The following GFI1B variants were observed in gnomAD, a reference collection of about 807,000 sequenced individuals.
GFI1B encodes growth factor independent 1B transcriptional repressor.
GFI1B carries 20 observed loss-of-function variants against 35.3 expected under a neutral mutation model. The observed-to-expected ratio is 0.57, with a 90% CI of 0.40 to 0.82. GFI1B has a LOEUF of 0.82. GFI1B is among the 40% of genes least tolerant of loss of function. GFI1B has a pLI of 0.00. For synonymous variants in GFI1B, 178 were observed against 177.6 expected, an observed-to-expected ratio of 1.00 and a Z score of -0.02; for missense variants, 430 against 446.3, an observed-to-expected ratio of 0.96 and a Z score of 0.33.
At chr9:132,950,401 A>G (rs557723073) in intron 1 of GFI1B, among the ~76,000 whole-genome samples, 1 of 151,916 alleles carries the variant, frequency 6.6e-6, no homozygotes, top group South Asian at 2.1e-4. Flanking sequence ...CTGCTTACTC[A>G]GGTTGTGCTT....
Position 132,987,325 on chromosome 9 carries a change from T to C in GFI1B, c.144T>C (p.Thr48=), listed in dbSNP as rs775510190. 2 of 1,614,220 alleles carry C rather than the reference T, an allele frequency of 1.2e-6. No homozygotes were observed. The highest frequency in any genetic ancestry group is 1.7e-6 in the Non-Finnish European group (2 of 1,180,026). ...QAPSNSPVLS[T]LFPNQCLDWT... is the part of the protein sequence containing the mutation. ...CAAGCAACAGCCCTGTCCTTAGCAC[T>C]CTATTCCCAAACCAGTGCCTGGACT... Residue 48 remains threonine, a synonymous_variant, in exon 3 of 7, where the codon ACT becomes ACC. Coordinates refer to ENST00000372122, the MANE Select transcript of GFI1B (RefSeq NM_001377304.1).
At chr9:132,986,873 C>A (rs1217260439) in intron 2 of GFI1B, 95 bp downstream of exon 2, 7 of 767,330 alleles carry the variant, frequency 9.1e-6, no homozygotes, top group Admixed American at 6.1e-5. Flanking sequence ...GCAGCAGCCT[C>A]TTCTTCCAAG....
chr9:132,948,889 C>A (rs1422658775), intron 1 of GFI1B, among the ~76,000 whole-genome samples: 1 of 152,232 alleles, frequency 6.6e-6, no homozygotes, highest in African/African-American at 2.4e-5. Context: ...TGAGCCACAC[C>A]CGCTAAGCAT....
chr9:132,970,716 C>T (rs1848521272), intron 1 of GFI1B, among the ~76,000 whole-genome samples: 1 of 152,140 alleles, frequency 6.6e-6, no homozygotes, highest in Non-Finnish European at 1.5e-5. Context: ...AGAGATGAGG[C>T]GTATAAAGCC....
At chr9:132,960,237 C>T (rs1439979494) in intron 1 of GFI1B, among the ~76,000 whole-genome samples, 2 of 152,156 alleles carry the variant, frequency 1.3e-5, no homozygotes, top group Admixed American at 6.5e-5. Context: ...AGCAGATGGG[C>T]TTTACGACAG....
rs1849207045 is a variant in GFI1B at position 132,989,505 on chromosome 9, A to C, written c.649-237A>C. 1 of 602,136 alleles carries C rather than the reference A, an allele frequency of 1.7e-6. No homozygotes were observed. Among genetic ancestry groups the C allele is most frequent in the Admixed American group, 2.9e-5 (1 of 34,106 alleles). 37.3% of individuals were successfully genotyped at this position (602,136 alleles called of 1,614,324 possible). A position where few individuals can be genotyped will look rare whatever the true frequency, so the allele number is the denominator to read the frequency against. On this transcript the variant is annotated intron_variant, in intron 5 of 6. Transcript: ENST00000372122. The surrounding 1 kb of genome is among the most constrained non-coding windows in gnomAD (Gnocchi z 6.2). ...AGATCAGTCAGTCCATCAGTCAATC[A>C]ACGAACATTTATTGAGGTTTATTTT...
chr9:132,968,165 A>T (rs1848479106), intron 1 of GFI1B, among the ~76,000 whole-genome samples: 1 of 151,746 alleles, frequency 6.6e-6, no homozygotes, highest in South Asian at 2.1e-4. Context: ...CACCTGGGCT[A>T]GAGTGCACTG....
At chr9:132,971,136 T>G (rs934019089) in intron 1 of GFI1B, among the ~76,000 whole-genome samples, 2 of 152,180 alleles carry the variant, frequency 1.3e-5, no homozygotes, top group Admixed American at 1.3e-4. Context: ...AGTGCTGGGA[T>G]TATGGGTGTG....
chr9:132,962,916 CAAA>C (rs60268965), intron 1 of GFI1B, among the ~76,000 whole-genome samples: 16 of 124,268 alleles, frequency 1.3e-4, no homozygotes, highest in African/African-American at 4.9e-4. Flanking sequence ...ACTAAAAATA[CAAA>C]AAAAAAAAAA....
chr9:132,977,129 G>A (rs911675945), upstream of GFI1B, among the ~76,000 whole-genome samples: 2 of 152,094 alleles, frequency 1.3e-5, no homozygotes, highest in African/African-American at 4.8e-5. Context: ...AGCTAATTTT[G>A]TATTTTTTGT....
At chr9:132,975,576 G>A (rs1341905011), upstream of GFI1B, among the ~76,000 whole-genome samples, 1 of 152,100 alleles carries the variant, frequency 6.6e-6, no homozygotes, top group Admixed American at 6.5e-5. Flanking sequence ...GTAAATTTCA[G>A]GTTGCTCTTT....
At chr9:132,988,094 C>A (rs1047516301) in intron 3 of GFI1B, 103 bp from the exon 4 acceptor site, 4 of 1,054,408 alleles carry the variant, frequency 3.8e-6, no homozygotes, top group Non-Finnish European at 5.9e-6. Flanking sequence ...GACCCACTTG[C>A]CTCAGCCTCC....
At chr9:132,955,807 C>CAT (rs1554824505) in intron 1 of GFI1B, among the ~76,000 whole-genome samples, 2 of 84,854 alleles carry the variant, frequency 2.4e-5, no homozygotes, top group Non-Finnish European at 5.6e-5. Flanking sequence ...TGTGTGTGTG[C>CAT]ATGTGTGTGT....
intron 1 of GFI1B, among the ~76,000 whole-genome samples, chr9:132,957,388 T>C (rs1395291306): frequency 6.6e-6 from 1 of 152,242 alleles, no homozygotes; most frequent in Non-Finnish European, 1.5e-5. Context: ...TATGAGACCA[T>C]ATTGTTCTAA....
At chr9:132,977,188 C>T (rs577013497), upstream of GFI1B, among the ~76,000 whole-genome samples, 93 of 152,282 alleles carry the variant, frequency 6.1e-4, 1 homozygote, top group African/African-American at 2.1e-3. Flanking sequence ...AACTCCCGAT[C>T]TCAAGTGATC....
Position 132,989,820 on chromosome 9 carries a change from T to A in GFI1B, c.727T>A (p.Ser243Thr), listed in dbSNP as rs1849223661. The change falls in exon 6 of 7, where the codon TCA becomes ACA. Residue 243 changes from serine (S) to threonine (T), a missense_variant. By Grantham distance (58) the Ser-to-Thr change is moderately conservative (BLOSUM62 1). Transcript: ENST00000372122. The surrounding 1 kb of genome is among the most constrained non-coding windows in gnomAD (Gnocchi z 6.2). ...GCTGTCCACCCACCTGCTCATCCAC[T>A]CAGACACGCGGCCCTACCCCTGCCA... ...STLSTHLLIH[S>T]DTRPYPCQFC... The A allele has an allele frequency of 6.2e-7, 1 of 1,614,110 alleles. No individual in the cohort carries two copies. Among genetic ancestry groups the A allele is most frequent in the East Asian group, 2.2e-5 (1 of 44,882 alleles).
At chr9:132,948,758 G>A (rs1465645897) in intron 1 of GFI1B, among the ~76,000 whole-genome samples, 2 of 152,178 alleles carry the variant, frequency 1.3e-5, no homozygotes, top group Admixed American at 6.5e-5. Flanking sequence ...ACCAAGGAAC[G>A]CCCAGAGGCT....
intron 1 of GFI1B, among the ~76,000 whole-genome samples, chr9:132,980,062 A>C (rs1848765983): frequency 2.6e-5 from 4 of 152,230 alleles, no homozygotes; most frequent in Non-Finnish European, 2.9e-5. Flanking sequence ...TTCTTTGGAC[A>C]AGAAAATGCG....
intron 1 of GFI1B, among the ~76,000 whole-genome samples, chr9:132,981,653 A>G (rs1189660458): frequency 1.3e-5 from 2 of 151,842 alleles, no homozygotes; most frequent in East Asian, 1.9e-4. Flanking sequence ...AATAATAATA[A>G]TGATGGTGAT....
Sources: allele counts gnomAD v4.1 joint callset (sites outside exome capture counted in the v4.1 genomes callset), GRCh38; gene constraint gnomAD v4.1.1; non-coding constraint Gnocchi (gnomAD v3.1); transcripts MANE v1.5; gene names NCBI Gene and HGNC (gene_info 2026-07-23, HGNC 2026-07-21).